Variants in CEP83 observed in about 807,000 individuals in gnomAD.
CEP83 encodes the protein centrosomal protein 83, also known as centrosomal protein of 83 kDa.
Under a neutral mutation model 101.9 loss-of-function variants are expected in CEP83, and 70 were observed. That is an observed-to-expected ratio of 0.69 (90% CI 0.57 to 0.84). The LOEUF (loss-of-function observed/expected upper bound fraction) is 0.84. Ranked by LOEUF, CEP83 falls within the 40% of genes least tolerant of loss-of-function variation. The pLI, the probability that CEP83 is intolerant of heterozygous loss-of-function variation, is 0.00. For missense variants in CEP83, 715 were observed against 787.2 expected (o/e 0.91, Z 1.10); for synonymous variants, 264 against 267.9 (o/e 0.99, Z 0.14).
rs78888616 is a variant in CEP83 at position 94,378,696 on chromosome 12, G to T, written c.801+95C>A. The T allele has an allele frequency of 1.7e-3, 2,261 of 1,301,380 alleles. 33 individuals carry two copies. In the African/African-American group the frequency reaches 0.031, roughly 18 times the overall value. The allele number at this position is 1,301,380 out of a possible 1,614,324, so 80.6% of individuals were successfully genotyped here. On this transcript the variant is annotated intron_variant, in intron 7 of 16. Coordinates refer to ENST00000397809, the MANE Select transcript of CEP83 (RefSeq NM_016122.3). Reference sequence around the variant, plus strand: ...TACACAAATGCATCAGCATTAGCTTGGGGGGCATACATTTATGCTCTAAAA... The same window carrying T: ...TACACAAATGCATCAGCATTAGCTTTGGGGGCATACATTTATGCTCTAAAA...
chr12:94,366,504 A>C (rs949903630), intron 11 of CEP83, among the ~76,000 whole-genome samples: 2 of 152,212 alleles, frequency 1.3e-5, no homozygotes, highest in African/African-American at 4.8e-5. Context: ...AGGAATAATG[A>C]ATGCCAGTTT....
chr12:94,385,106 G>A (rs546012495), intron 6 of CEP83, among the ~76,000 whole-genome samples: 5 of 152,224 alleles, frequency 3.3e-5, no homozygotes, highest in African/African-American at 9.6e-5. Context: ...TAGTAGTCCC[G>A]ATTCTCCACT....
At chr12:94,299,260 T>G in the CEP83 span, among the ~76,000 whole-genome samples, 1 of 152,184 alleles carries the variant, frequency 6.6e-6, no homozygotes, top group African/African-American at 2.4e-5. Flanking sequence ...AGTTTGTGTT[T>G]TGTTTTATAT....
At chr12:94,379,901 T>A (rs1453688644) in intron 6 of CEP83, among the ~76,000 whole-genome samples, 2 of 152,024 alleles carry the variant, frequency 1.3e-5, no homozygotes, top group Non-Finnish European at 2.9e-5. Context: ...CATACGCTTC[T>A]ATTTTTAGTC....
At chr12:94,358,035 T>C (rs1025207747) in intron 11 of CEP83, among the ~76,000 whole-genome samples, 4 of 152,220 alleles carry the variant, frequency 2.6e-5, no homozygotes, top group African/African-American at 9.7e-5. Context: ...GTTTGGTAGA[T>C]ACAGGAGCAG....
intron 1 of CEP83, among the ~76,000 whole-genome samples, chr12:94,442,461 C>T (rs1187486025): frequency 3.3e-5 from 5 of 152,078 alleles, no homozygotes. Context: ...GAAATCACCA[C>T]TAAATAAGTT....
At chr12:94,276,657 TA>T in the CEP83 span, among the ~76,000 whole-genome samples, 1 of 152,196 alleles carries the variant, frequency 6.6e-6, no homozygotes, top group South Asian at 2.1e-4. Flanking sequence ...GGGATGGGAA[TA>T]ATAATCCAGG....
intron 1 of CEP83, among the ~76,000 whole-genome samples, chr12:94,454,617 G>A (rs772282274): frequency 4.6e-5 from 7 of 152,188 alleles, no homozygotes; most frequent in Non-Finnish European, 8.8e-5. Flanking sequence ...CAACCCACAC[G>A]GGTCCCCTTC....
intron 6 of CEP83, among the ~76,000 whole-genome samples, chr12:94,379,895 C>T (rs915873608): frequency 3.9e-5 from 6 of 151,910 alleles, no homozygotes; most frequent in Non-Finnish European, 8.8e-5. Flanking sequence ...ATTAACCATA[C>T]GCTTCTATTT....
the CEP83 span, among the ~76,000 whole-genome samples, chr12:94,274,155 TAAAAAAAAAAAAAAAA>T: frequency 1.5e-4 from 7 of 45,376 alleles, no homozygotes; most frequent in Non-Finnish European, 1.7e-4. Flanking sequence ...ACCCTGTCTC[TAAAAAAAAAAAAAAAA>T]AAAAAAAAAA....
At chr12:94,445,645 TAAAC>T (rs1380062859) in intron 1 of CEP83, among the ~76,000 whole-genome samples, 1 of 152,118 alleles carries the variant, frequency 6.6e-6, no homozygotes, top group Non-Finnish European at 1.5e-5. Context: ...GATAGGAAAA[TAAAC>T]AATCAAAATT....
rs527903404 is a variant in CEP83 at position 94,333,426 on chromosome 12, G to A, written c.1577+56C>T. The A allele has an allele frequency of 2.1e-4, 304 of 1,447,812 alleles. 3 individuals carry two copies. The East Asian group carries it at 6.9e-3, about 33-fold the overall frequency. 89.7% of individuals were successfully genotyped at this position (1,447,812 alleles called of 1,614,324 possible). A position where few individuals can be genotyped will look rare whatever the true frequency, so the allele number is the denominator to read the frequency against. On this transcript the variant is annotated intron_variant, in intron 13 of 16. Transcript: ENST00000397809. ...AACATTGGAATCATTACTAAAATAA[G>A]TACATGTTATATAGAAAAAAGAAAA...
At chr12:94,372,857 TA>T (rs899798375) in intron 8 of CEP83, among the ~76,000 whole-genome samples, 1 of 152,250 alleles carries the variant, frequency 6.6e-6, no homozygotes, top group Non-Finnish European at 1.5e-5. Context: ...TTTATGGATC[TA>T]AAGTTTTTCT....
At chr12:94,448,185 A>G (rs990186292) in intron 1 of CEP83, among the ~76,000 whole-genome samples, 3 of 152,166 alleles carry the variant, frequency 2.0e-5, no homozygotes. Flanking sequence ...CAAGAAAAAT[A>G]GATTTTAAGA....
intron 2 of CEP83, among the ~76,000 whole-genome samples, chr12:94,419,447 A>C (rs186035375): frequency 1.3e-5 from 2 of 152,186 alleles, no homozygotes; most frequent in Non-Finnish European, 2.9e-5. Flanking sequence ...AGATGATGTG[A>C]TATCAATTAA....
At chr12:94,406,057 T>C (rs535586148) in intron 4 of CEP83, among the ~76,000 whole-genome samples, 2 of 152,314 alleles carry the variant, frequency 1.3e-5, no homozygotes, top group Admixed American at 1.3e-4. Context: ...AATCCTTTGT[T>C]TCATAAAGAA....
chr12:94,288,944 T>C, the CEP83 span, among the ~76,000 whole-genome samples: 2 of 152,362 alleles, frequency 1.3e-5, no homozygotes, highest in African/African-American at 4.8e-5. Context: ...ATTATCACAA[T>C]ATTCAGAACA....
Position 94,454,734 on chromosome 12 carries a change from C to T in CEP83, c.-155+4823G>A, listed in dbSNP as rs55679743. ...AGCTGTAACACTCACCACGAAGGTCCGCAGCTTCACTCCTGAAGCCAGCGA... is the reference window on the plus strand; with the variant it reads ...AGCTGTAACACTCACCACGAAGGTCTGCAGCTTCACTCCTGAAGCCAGCGA... On this transcript the variant is annotated intron_variant, in intron 1 of 16. Transcript: ENST00000397809. Among the ~76,000 whole-genome samples, 1,056 of 152,212 alleles carry T rather than the reference C, an allele frequency of 6.9e-3. 7 individuals are homozygous for T. Among genetic ancestry groups the T allele is most frequent in the African/African-American group, 0.024 (982 of 41,520 alleles).
At chr12:94,331,289 G>GAAAAAAAAAAAAAAAAAAA (rs568464808) in intron 14 of CEP83, among the ~76,000 whole-genome samples, 3 of 43,818 alleles carry the variant, frequency 6.8e-5, no homozygotes, top group Non-Finnish European at 6.9e-5. Context: ...CAGACTCTCA[G>GAAAAAAAAAAAAAAAAAAA]AAAAAAAAAA....
Sources: allele counts gnomAD v4.1 joint callset (sites outside exome capture counted in the v4.1 genomes callset), GRCh38; gene constraint gnomAD v4.1.1; transcripts MANE v1.5; gene names NCBI Gene and HGNC (gene_info 2026-07-23, HGNC 2026-07-21).